The following EYS variants were observed in gnomAD, a reference collection of about 807,000 sequenced individuals.
EYS encodes EGF-like photoreceptor maintenance factor, also known as protein eyes shut homolog.
EYS carries 250 observed loss-of-function variants against 282.1 expected under a neutral mutation model. That is an observed-to-expected ratio of 0.89 (90% CI 0.80 to 0.98). The LOEUF is 0.98. Ranked by LOEUF, EYS falls within the 50% of genes least tolerant of loss-of-function variation. The pLI, the probability that EYS is intolerant of heterozygous loss-of-function variation, is 0.00. For missense variants in EYS, 4,016 were observed against 3,709.0 expected, an observed-to-expected ratio of 1.08 and a Z score of -2.15; for synonymous variants, 1,355 against 1,282.9, an observed-to-expected ratio of 1.06 and a Z score of -1.20.
chr6:64,956,040 G>A (rs1391121657), intron 14 of EYS, among the ~76,000 whole-genome samples: 1 of 151,988 alleles, frequency 6.6e-6, no homozygotes, highest in East Asian at 1.9e-4. Flanking sequence ...CACATTCAGT[G>A]TAATCTCTAT....
chr6:64,510,937 C>T lies in EYS; in HGVS notation c.5645-71585G>A, dbSNP rs372752554. 8.3e-4 allele frequency among the ~76,000 whole-genome samples: 127 copies of T among 152,120 alleles called. No individual in the cohort carries two copies. In the South Asian group the frequency reaches 9.3e-3, roughly 11 times the overall value. On this transcript the variant is annotated intron_variant, in intron 26 of 42. Coordinates refer to ENST00000503581, the MANE Select transcript of EYS (RefSeq NM_001142800.2). ...CCACTTGGCTTCCCACCTGGGGCCA[C>T]GCTTAAGAGATCCAGACCCCATCCT...
At chr6:65,439,233 A>G (rs1273818492) in intron 5 of EYS, among the ~76,000 whole-genome samples, 2 of 152,206 alleles carry the variant, frequency 1.3e-5, no homozygotes, top group Admixed American at 6.5e-5. Flanking sequence ...TGGTAACAGT[A>G]CCAAGCTGTT....
chr6:65,546,609 C>CCTTGCT (rs1436193103), intron 2 of EYS, among the ~76,000 whole-genome samples: 3 of 150,866 alleles, frequency 2.0e-5, no homozygotes, highest in Non-Finnish European at 4.4e-5. Flanking sequence ...TGAGACAGAG[C>CCTTGCT]CTTGCTCTGT....
intron 12 of EYS, among the ~76,000 whole-genome samples, chr6:65,076,754 C>T (rs550935472): frequency 3.1e-4 from 47 of 151,698 alleles, no homozygotes; most frequent in Non-Finnish European, 6.3e-4. Context: ...ATCTAAGAGG[C>T]ATGCTGAGTA....
chr6:65,116,012 T>A (rs1775364882), intron 12 of EYS, among the ~76,000 whole-genome samples: 1 of 151,876 alleles, frequency 6.6e-6, no homozygotes, highest in South Asian at 2.1e-4. Flanking sequence ...TATCTATCTA[T>A]CTGTTTCTGT....
At chr6:65,044,266 T>A (rs1773031762) in intron 13 of EYS, among the ~76,000 whole-genome samples, 1 of 151,858 alleles carries the variant, frequency 6.6e-6, no homozygotes, top group Non-Finnish European at 1.5e-5. Context: ...TTGTTTTTGT[T>A]CCTTATATAT....
intron 9 of EYS, among the ~76,000 whole-genome samples, chr6:65,349,527 A>G (rs905853720): frequency 1.3e-5 from 2 of 151,508 alleles, no homozygotes; most frequent in African/African-American, 4.8e-5. Context: ...TTACAGATGA[A>G]ACTGTATGTA....
At chr6:65,024,165 A>G (rs148872864) in intron 13 of EYS, among the ~76,000 whole-genome samples, 44 of 152,364 alleles carry the variant, frequency 2.9e-4, no homozygotes, top group African/African-American at 1.0e-3. Flanking sequence ...TTGTGAATAC[A>G]TATAGCAATG....
chr6:63,827,327 G>C (rs1456886883), intron 36 of EYS, among the ~76,000 whole-genome samples: 1 of 152,114 alleles, frequency 6.6e-6, no homozygotes, highest in African/African-American at 2.4e-5. Context: ...ATAATAGTGG[G>C]GGACTTCAAT....
rs138747255 is a variant in EYS at position 65,411,769 on chromosome 6, A to G, written c.863-6402T>C. On this transcript the variant is annotated intron_variant, in intron 5 of 42. Transcript: ENST00000503581. ...AATTGTCTTTTTTGTCCCTCTTGTT[A>G]TAATGCCCTTGAGATACATTAAAGC... 4.6e-3 allele frequency among the ~76,000 whole-genome samples: 699 copies of G among 151,016 alleles called. 6 individuals are homozygous for G. The highest frequency in any genetic ancestry group is 0.016 in the African/African-American group (665 of 41,182).
At position 64,295,444 on chromosome 6, in the gene EYS, GGAAGAAGAAGAAGAA is replaced by G. The variant is rs750048240; in HGVS notation, c.6191+11511_6191+11525del. ...AAGAAGAAGAAGAAGAGGAAGAAGA[GGAAGAAGAAGAAGAA>G]GAAGAAGAAGAAGAAGAAGAAGAAG... On this transcript the variant is annotated intron_variant, in intron 30 of 42. Coordinates refer to ENST00000503581, the MANE Select transcript of EYS (RefSeq NM_001142800.2). Among the ~76,000 whole-genome samples, 56 of 5,870 alleles carry G rather than the reference GGAAGAAGAAGAAGAA, an allele frequency of 9.5e-3. 1 individual carries two copies. Among genetic ancestry groups the G allele is most frequent in the South Asian group, 0.025 (3 of 120 alleles). The allele number at this position is 5,870 out of a possible 152,430, so 3.9% of individuals were successfully genotyped here.
At chr6:64,979,444 A>G in intron 14 of EYS, among the ~76,000 whole-genome samples, 1 of 151,664 alleles carries the variant, frequency 6.6e-6, no homozygotes, top group African/African-American at 2.4e-5. Context: ...TCCCGTGGGA[A>G]AAAAAGAGGA....
chr6:65,015,547 A>C (rs1323921403), intron 13 of EYS, among the ~76,000 whole-genome samples: 1 of 152,188 alleles, frequency 6.6e-6, no homozygotes, highest in African/African-American at 2.4e-5. Flanking sequence ...TTGTATCTAA[A>C]AATATATATA....
At chr6:64,630,352 C>G (rs1167395093) in intron 22 of EYS, among the ~76,000 whole-genome samples, 2 of 152,188 alleles carry the variant, frequency 1.3e-5, no homozygotes, top group Admixed American at 1.3e-4. Flanking sequence ...CTGCCTCGGA[C>G]TCCCAAAGTG....
intron 12 of EYS, among the ~76,000 whole-genome samples, chr6:65,289,135 A>T (rs902561987): frequency 1.3e-5 from 2 of 151,148 alleles, no homozygotes; most frequent in Non-Finnish European, 1.5e-5. Flanking sequence ...AGGCAAAAGT[A>T]GTATCCCATA....
rs545317156 is a variant in EYS, at chr6:63,961,755, C to T, written c.7055+22628G>A. ...GTGGAGCCCTTGTAACCTAGTCACC[C>T]CCTAAAGGTCCTACTTCTAAGTATT... On this transcript the variant is annotated intron_variant, in intron 35 of 42. Coordinates refer to ENST00000503581, the MANE Select transcript of EYS (RefSeq NM_001142800.2). Among the ~76,000 whole-genome samples, 9 of 152,166 alleles carry T rather than the reference C, an allele frequency of 5.9e-5. No homozygotes were observed. The South Asian group carries it at 1.0e-3, about 18-fold the overall frequency.
intron 22 of EYS, among the ~76,000 whole-genome samples, chr6:64,809,653 T>C (rs1158791490): frequency 1.3e-5 from 2 of 151,962 alleles, no homozygotes; most frequent in African/African-American, 4.8e-5. Context: ...CAAAAAATAA[T>C]GAAATTATGC....
intron 2 of EYS, among the ~76,000 whole-genome samples, chr6:65,532,000 A>G (rs1767788286): frequency 6.6e-6 from 1 of 152,154 alleles, no homozygotes; most frequent in African/African-American, 2.4e-5. Context: ...ATACGTTAAA[A>G]TTCTTATAAT....
intron 12 of EYS, among the ~76,000 whole-genome samples, chr6:65,226,721 A>G (rs1451944854): frequency 6.6e-6 from 1 of 152,180 alleles, no homozygotes; most frequent in Admixed American, 6.5e-5. Context: ...TTAGTTCCTA[A>G]ATAAGTTAAA....
Sources: allele counts gnomAD v4.1 joint callset (sites outside exome capture counted in the v4.1 genomes callset), GRCh38; gene constraint gnomAD v4.1.1; transcripts MANE v1.5; gene names NCBI Gene and HGNC (gene_info 2026-07-23, HGNC 2026-07-21).